Variants in COL4A6 observed in about 807,000 individuals in gnomAD.
COL4A6 encodes the protein collagen alpha-6(IV) chain.
COL4A6 carries 59 observed loss-of-function variants against 126.7 expected under a neutral mutation model. That is an observed-to-expected ratio of 0.47 (90% CI 0.38 to 0.58). The LOEUF (loss-of-function observed/expected upper bound fraction) is 0.58. Among genes scored for constraint, COL4A6 ranks in the 20% least tolerant of loss-of-function variants. COL4A6 has a pLI of 0.00. For missense variants in COL4A6, 1,285 were observed against 1,337.3 expected (o/e 0.96, Z 0.61); for synonymous variants, 547 against 496.6 (o/e 1.10, Z -1.35).
intron 2 of COL4A6, among the ~76,000 whole-genome samples, chrX:108,395,461 A>G (rs2040943930): frequency 8.9e-6 from 1 of 112,262 alleles, no homozygotes; most frequent in Non-Finnish European, 1.9e-5. Flanking sequence ...AAAGAAAAGA[A>G]CTATAAGCAA....
intron 3 of COL4A6, among the ~76,000 whole-genome samples, chrX:108,249,989 T>C: frequency 9.0e-6 from 1 of 111,373 alleles, no homozygotes; most frequent in African/African-American, 3.3e-5. Context: ...AAAATCCAAA[T>C]AACTAATCTG....
At chrX:108,390,203 T>C (rs189076015) in intron 2 of COL4A6, among the ~76,000 whole-genome samples, 12 of 110,911 alleles carry the variant, frequency 1.1e-4, no homozygotes, top group African/African-American at 3.9e-4. Context: ...GACAATTATA[T>C]ATCTTGAGGT....
intron 2 of COL4A6, among the ~76,000 whole-genome samples, chrX:108,436,007 C>T (rs1603238613): frequency 9.0e-6 from 1 of 111,393 alleles, no homozygotes; most frequent in African/African-American, 3.3e-5. Flanking sequence ...ATAAGAATCC[C>T]GTGCAAAGAG....
At position 108,245,141 on chromosome X, in the gene COL4A6, C is replaced by T. The variant is rs1038690204; in HGVS notation, c.145-23767G>A. On this transcript the variant is annotated intron_variant, in intron 3 of 44. Coordinates refer to ENST00000334504, the MANE Select transcript of COL4A6 (RefSeq NM_033641.4). Reference sequence around the variant, plus strand: ...GAACTTTCCCACCTAGTTTAAAAGACTATTTTAACAGAAGGGTGCGTGCAT... The same window carrying T: ...GAACTTTCCCACCTAGTTTAAAAGATTATTTTAACAGAAGGGTGCGTGCAT... 4.4e-5 allele frequency among the ~76,000 whole-genome samples: 5 copies of T among 112,360 alleles called. 1 individual carries two copies. Among genetic ancestry groups the T allele is most frequent in the African/African-American group, 1.3e-4 (4 of 30,937 alleles).
chrX:108,269,833 T>C, intron 3 of COL4A6, among the ~76,000 whole-genome samples: 1 of 111,737 alleles, frequency 8.9e-6, no homozygotes, highest in East Asian at 2.8e-4. Flanking sequence ...ATTTGTGTTT[T>C]AGTAGGGGAA....
intron 3 of COL4A6, among the ~76,000 whole-genome samples, chrX:108,228,198 A>T (rs1460155142): frequency 1.8e-5 from 2 of 112,330 alleles, no homozygotes; most frequent in African/African-American, 6.5e-5. Flanking sequence ...TTTGATTCTC[A>T]TCCTGAATGG....
At chrX:108,365,276 A>G (rs2040172687) in intron 2 of COL4A6, among the ~76,000 whole-genome samples, 1 of 112,274 alleles carries the variant, frequency 8.9e-6, no homozygotes, top group Non-Finnish European at 1.9e-5. Flanking sequence ...GTTTTGTCTC[A>G]GCTATCCTCA....
intron 2 of COL4A6, among the ~76,000 whole-genome samples, chrX:108,388,843 G>A (rs998579642): frequency 1.8e-5 from 2 of 111,534 alleles, no homozygotes; most frequent in African/African-American, 6.5e-5. Flanking sequence ...GCTTTCTCTT[G>A]TGGGCATTTA....
intron 2 of COL4A6, among the ~76,000 whole-genome samples, chrX:108,342,926 G>C (rs1253613806): frequency 3.7e-5 from 4 of 109,092 alleles, no homozygotes; most frequent in Non-Finnish European, 7.6e-5. Flanking sequence ...GGATACAGTG[G>C]AAAACAAGTG....
At chrX:108,233,618 C>A (rs1163586058) in intron 3 of COL4A6, among the ~76,000 whole-genome samples, 1 of 111,838 alleles carries the variant, frequency 8.9e-6, no homozygotes, top group Non-Finnish European at 1.9e-5. Flanking sequence ...TCCCTGTATT[C>A]ATTTAGAACC....
chrX:108,303,255 A>G (rs2038539718), intron 3 of COL4A6, among the ~76,000 whole-genome samples: 1 of 111,077 alleles, frequency 9.0e-6, no homozygotes, highest in Admixed American at 9.6e-5. Flanking sequence ...ACCAGGAATG[A>G]GGGATGGAAA....
intron 3 of COL4A6, among the ~76,000 whole-genome samples, chrX:108,290,178 G>T (rs1031494441): frequency 8.9e-6 from 1 of 112,186 alleles, no homozygotes; most frequent in Non-Finnish European, 1.9e-5. Context: ...TAGTCCAAGA[G>T]GAGGCTTTCA....
chrX:108,199,009 G>A (rs2035307927), intron 13 of COL4A6, among the ~76,000 whole-genome samples: 1 of 111,350 alleles, frequency 9.0e-6, no homozygotes, highest in Non-Finnish European at 1.9e-5. Flanking sequence ...CTACAAGTGT[G>A]AGTGTGTTGC....
intron 2 of COL4A6, among the ~76,000 whole-genome samples, chrX:108,323,908 G>A (rs1307185739): frequency 8.9e-6 from 1 of 111,840 alleles, no homozygotes; most frequent in East Asian, 2.8e-4. Context: ...TTCCTCAGTT[G>A]CGCAATGCGT....
Position 108,285,299 on chromosome X carries a change from C to T in COL4A6, c.144+25449G>A, listed in dbSNP as rs73524838. Among the ~76,000 whole-genome samples, 440 of 111,966 alleles carry T rather than the reference C, an allele frequency of 3.9e-3. 4 individuals carry two copies. Among genetic ancestry groups the T allele is most frequent in the African/African-American group, 0.014 (425 of 30,842 alleles). ...GGAAGTTCTATCCCAATCTCTTCCA[C>T]CCAAGTATTTCTCTAGATTGTTAGT... On this transcript the variant is annotated intron_variant, in intron 3 of 44. Transcript: ENST00000334504.
chrX:108,204,603 T>A, intron 11 of COL4A6, 191 bp from the exon 12 acceptor site: 1 of 523,885 alleles, frequency 1.9e-6, no homozygotes. Context: ...GACCAGTGAA[T>A]TTTGTACCAG....
At chrX:108,249,084 A>G (rs1052823144) in intron 3 of COL4A6, among the ~76,000 whole-genome samples, 2 of 110,163 alleles carry the variant, frequency 1.8e-5, no homozygotes, top group African/African-American at 3.3e-5. Context: ...TTATTTCATT[A>G]TATATTACAA....
At chrX:108,405,431 C>T (rs754890269) in intron 2 of COL4A6, among the ~76,000 whole-genome samples, 5 of 110,434 alleles carry the variant, frequency 4.5e-5, no homozygotes, top group East Asian at 5.7e-4. Flanking sequence ...GTGATCCGCC[C>T]GCCTCAGCCT....
intron 2 of COL4A6, among the ~76,000 whole-genome samples, chrX:108,327,412 T>TC (rs1263372663): frequency 1.0e-5 from 1 of 96,238 alleles, no homozygotes; most frequent in African/African-American, 3.8e-5. Context: ...ATCTCATATG[T>TC]CAGCAGTCCC....
Sources: gnomAD v4.1 joint callset for allele counts (sites outside exome capture counted in the v4.1 genomes callset) on GRCh38, gnomAD v4.1.1 for gene constraint, MANE v1.5 for transcripts, NCBI Gene and HGNC (gene_info 2026-07-23, HGNC 2026-07-21) for gene names.